Variants in TXNDC16 observed in about 807,000 individuals in gnomAD.
The protein encoded by TXNDC16 is thioredoxin domain containing 16.
In TXNDC16, 74 loss-of-function variants were observed where a neutral mutation model predicts 85.6. The ratio of observed to expected loss-of-function variants is 0.86; its 90% CI spans 0.72 to 1.05. The LOEUF (loss-of-function observed/expected upper bound fraction) is 1.05. Ranked by LOEUF, TXNDC16 falls within the 50% of genes least tolerant of loss-of-function variation. The probability of loss-of-function intolerance (pLI) is 0.00; values close to 1 mark genes in which losing one functional copy is unlikely to be tolerated. For missense variants in TXNDC16, 959 were observed against 947.0 expected (o/e 1.01, Z -0.17); for synonymous variants, 335 against 326.5 (o/e 1.03, Z -0.28).
chr14:52,505,603 T>A (rs1039523938), intron 9 of TXNDC16, among the ~76,000 whole-genome samples: 1 of 152,096 alleles, frequency 6.6e-6, no homozygotes, highest in African/African-American at 2.4e-5. Context: ...AATGCCCACA[T>A]GAGAATGCAG....
chr14:52,486,497 G>C (rs2036275490), intron 12 of TXNDC16, among the ~76,000 whole-genome samples: 2 of 151,942 alleles, frequency 1.3e-5, no homozygotes, highest in South Asian at 4.2e-4. Flanking sequence ...TGCCCAGGCT[G>C]GAACACATGC....
At chr14:52,492,650 T>G (rs2036435029) in intron 9 of TXNDC16, among the ~76,000 whole-genome samples, 1 of 152,198 alleles carries the variant, frequency 6.6e-6, no homozygotes, top group Non-Finnish European at 1.5e-5. Flanking sequence ...CCAGGACATT[T>G]GAACTAGGCA....
chr14:52,458,791 G>A (rs2035591444), intron 16 of TXNDC16, among the ~76,000 whole-genome samples: 2 of 152,060 alleles, frequency 1.3e-5, no homozygotes, highest in African/African-American at 4.8e-5. Context: ...CAATAGAAAA[G>A]TACACCATTA....
At chr14:52,507,064 G>A (rs1250394798) in intron 9 of TXNDC16, among the ~76,000 whole-genome samples, 2 of 152,012 alleles carry the variant, frequency 1.3e-5, no homozygotes, top group Non-Finnish European at 2.9e-5. Flanking sequence ...TTCTGTCCAG[G>A]GCAATCAGGA....
intron 4 of TXNDC16, 135 bp from the exon 5 acceptor site, chr14:52,537,807 G>A (rs2037738041): frequency 1.7e-6 from 1 of 591,838 alleles, no homozygotes; most frequent in Non-Finnish European, 3.0e-6. Flanking sequence ...TTTCTGATTT[G>A]TATGCTATAA....
intron 18 of TXNDC16, among the ~76,000 whole-genome samples, chr14:52,445,431 A>C (rs1362711414): frequency 6.6e-6 from 1 of 152,210 alleles, no homozygotes. Context: ...TCAAGACAAA[A>C]AACCTAACAG....
chr14:52,503,329 G>A (rs2036708557), intron 9 of TXNDC16, among the ~76,000 whole-genome samples: 1 of 152,304 alleles, frequency 6.6e-6, no homozygotes, highest in Admixed American at 6.5e-5. Context: ...CCCCCAGTAG[G>A]GGCAGACTGA....
chr14:52,472,415 G>C (rs1446096010), intron 14 of TXNDC16, among the ~76,000 whole-genome samples: 1 of 151,924 alleles, frequency 6.6e-6, no homozygotes, highest in African/African-American at 2.4e-5. Context: ...GCCCTAGGAT[G>C]GTCCTGATCT....
intron 11 of TXNDC16, among the ~76,000 whole-genome samples, chr14:52,488,844 A>C (rs898127601): frequency 5.9e-5 from 9 of 151,830 alleles, no homozygotes; most frequent in Admixed American, 1.3e-4. Context: ...AAAAAAAAAA[A>C]AAAAACAAGT....
At chr14:52,528,927 ATAT>A (rs1253305168) in intron 6 of TXNDC16, among the ~76,000 whole-genome samples, 2 of 147,628 alleles carry the variant, frequency 1.4e-5, no homozygotes, top group Non-Finnish European at 3.0e-5. Flanking sequence ...TACCTATTAT[ATAT>A]TGTCTATAAT....
intron 9 of TXNDC16, among the ~76,000 whole-genome samples, chr14:52,493,204 T>TACACACAC (rs1491364654): frequency 4.6e-5 from 5 of 108,180 alleles, no homozygotes; most frequent in African/African-American, 1.2e-4. Flanking sequence ...TATATATATA[T>TACACACAC]ATATATATAT....
intron 9 of TXNDC16, among the ~76,000 whole-genome samples, chr14:52,506,437 C>T (rs1307465902): frequency 2.6e-5 from 4 of 151,106 alleles, no homozygotes; most frequent in Non-Finnish European, 2.9e-5. Context: ...AATCAATAAA[C>T]GTAATCCAGC....
intron 16 of TXNDC16, among the ~76,000 whole-genome samples, chr14:52,460,961 T>C (rs1032514098): frequency 6.6e-6 from 1 of 151,814 alleles, no homozygotes; most frequent in African/African-American, 2.4e-5. Context: ...TTCAGTCAGC[T>C]TTTAATCACA....
Position 52,537,683 on chromosome 14 carries a change from G to A in TXNDC16, c.244-11C>T. The A allele has an allele frequency of 6.7e-7, 1 of 1,503,012 alleles. No homozygotes were observed. Among genetic ancestry groups the A allele is most frequent in the Non-Finnish European group, 9.2e-7 (1 of 1,084,768 alleles). 93.1% of individuals were successfully genotyped at this position (1,503,012 alleles called of 1,614,324 possible). A position where few individuals can be genotyped will look rare whatever the true frequency, so the allele number is the denominator to read the frequency against. On this transcript the variant is annotated splice_polypyrimidine_tract_variant and intron_variant, in intron 4 of 20. Coordinates refer to ENST00000281741, the MANE Select transcript of TXNDC16 (RefSeq NM_020784.3). Reference sequence around the variant, plus strand: ...TTTGACACAATTAACCTTTAAAAGAGTATACTTAAGTTTTAGCATATATAT... The same window carrying A: ...TTTGACACAATTAACCTTTAAAAGAATATACTTAAGTTTTAGCATATATAT...
At chr14:52,469,009 T>A (rs1032371756) in intron 16 of TXNDC16, among the ~76,000 whole-genome samples, 5 of 151,778 alleles carry the variant, frequency 3.3e-5, no homozygotes, top group Non-Finnish European at 5.9e-5. Flanking sequence ...ATTCTTCACA[T>A]ACAGAAGGAA....
At chr14:52,551,942 G>C (rs1239496153) in intron 1 of TXNDC16, among the ~76,000 whole-genome samples, 2 of 149,160 alleles carry the variant, frequency 1.3e-5, no homozygotes, top group African/African-American at 2.4e-5. Flanking sequence ...ACGTTTGAAA[G>C]AACCAGCTTC....
chr14:52,527,491 TA>T (rs1232508021), intron 6 of TXNDC16, among the ~76,000 whole-genome samples: 1 of 152,162 alleles, frequency 6.6e-6, no homozygotes, highest in Non-Finnish European at 1.5e-5. Context: ...TATTTAGTGA[TA>T]GGGGCCTTCC....
chr14:52,458,424 G>A (rs1429491605), intron 16 of TXNDC16, among the ~76,000 whole-genome samples: 1 of 152,128 alleles, frequency 6.6e-6, no homozygotes, highest in East Asian at 1.9e-4. Flanking sequence ...GGGCATGGTG[G>A]CATGTGCCTG....
At chr14:52,487,367 C>T (rs535471474) in intron 12 of TXNDC16, among the ~76,000 whole-genome samples, 6 of 152,270 alleles carry the variant, frequency 3.9e-5, no homozygotes, top group African/African-American at 1.2e-4. Context: ...GCATGGACCT[C>T]ATGAAAATGA....
Sources: gnomAD v4.1 joint callset for allele counts (sites outside exome capture counted in the v4.1 genomes callset) on GRCh38, gnomAD v4.1.1 for gene constraint, MANE v1.5 for transcripts, NCBI Gene and HGNC (gene_info 2026-07-23, HGNC 2026-07-21) for gene names.